SRGAP1: variants seen among roughly 807,000 people sequenced by gnomAD.
SRGAP1 encodes the protein SLIT-ROBO Rho GTPase activating protein 1.
SRGAP1 carries 43 observed loss-of-function variants against 121.9 expected under a neutral mutation model. That is an observed-to-expected ratio of 0.35 (90% CI 0.28 to 0.46). The LOEUF (loss-of-function observed/expected upper bound fraction) is 0.46. SRGAP1 is among the 20% of genes least tolerant of loss of function. SRGAP1 has a pLI of 1.00. For synonymous variants in SRGAP1, 447 were observed against 485.4 expected, an observed-to-expected ratio of 0.92 and a Z score of 1.04; for missense variants, 1,102 against 1,350.9, an observed-to-expected ratio of 0.82 and a Z score of 2.89.
chr12:64,041,359 T>TTTTTTTTA lies in SRGAP1; in HGVS notation c.490-1428_490-1427insTTTTATTT, dbSNP rs1555168797. On this transcript the variant is annotated intron_variant, in intron 4 of 21. Transcript: ENST00000355086. The stretch of plus-strand genomic sequence containing the variant: ...GAGAGAAATCATATATGGCATTTTA[T>TTTTTTTTA]TTTATTTATTTATTTATTTATTTAT... Among the ~76,000 whole-genome samples, 7 of 85,810 alleles carry TTTTTTTTA rather than the reference T, an allele frequency of 8.2e-5. No homozygotes were observed. In the South Asian group the frequency reaches 1.0e-3, roughly 12 times the overall value. 56.3% of individuals were successfully genotyped at this position (85,810 alleles called of 152,430 possible).
intron 18 of SRGAP1, among the ~76,000 whole-genome samples, chr12:64,118,119 T>C (rs924857825): frequency 2.6e-5 from 4 of 152,182 alleles, no homozygotes; most frequent in Non-Finnish European, 5.9e-5. Context: ...AGAAGTAGGA[T>C]TGTTGGATCA....
chr12:64,054,109 G>A (rs116722229), intron 6 of SRGAP1, among the ~76,000 whole-genome samples: 2,138 of 152,234 alleles, frequency 0.014, 57 homozygotes, highest in African/African-American at 0.049. Flanking sequence ...CACCTGCCCA[G>A]TAATAATAAA....
chr12:63,923,802 A>G (rs1167222797), intron 1 of SRGAP1, among the ~76,000 whole-genome samples: 1 of 152,258 alleles, frequency 6.6e-6, no homozygotes, highest in Non-Finnish European at 1.5e-5. Context: ...TGGTAACTTG[A>G]ACATTGACCA....
intron 7 of SRGAP1, among the ~76,000 whole-genome samples, chr12:64,063,736 C>T (rs1022379112): frequency 6.6e-6 from 1 of 151,760 alleles, no homozygotes. Flanking sequence ...CAAAAAAAGC[C>T]AACTTAGGGA....
chr12:64,066,461 A>G (rs1401671842), intron 8 of SRGAP1, among the ~76,000 whole-genome samples: 1 of 152,230 alleles, frequency 6.6e-6, no homozygotes, highest in Non-Finnish European at 1.5e-5. Flanking sequence ...ACAATTCCCA[A>G]AAGAAAGGAC....
intron 10 of SRGAP1, among the ~76,000 whole-genome samples, chr12:64,085,339 T>C (rs1368723184): frequency 1.3e-5 from 2 of 152,212 alleles, no homozygotes; most frequent in African/African-American, 4.8e-5. Context: ...TTGTTACTAA[T>C]ATATATTGCA....
intron 1 of SRGAP1, among the ~76,000 whole-genome samples, chr12:63,960,964 C>T (rs1217029390): frequency 1.3e-5 from 2 of 152,150 alleles, no homozygotes; most frequent in African/African-American, 4.8e-5. Context: ...CACTCCAGAA[C>T]TATAACAGAA....
chr12:63,948,141 A>G (rs1460711530), intron 1 of SRGAP1, among the ~76,000 whole-genome samples: 2 of 152,192 alleles, frequency 1.3e-5, no homozygotes, highest in African/African-American at 4.8e-5. Context: ...CCTAAAATGC[A>G]TAATAAAATG....
At position 64,119,796 on chromosome 12, in the gene SRGAP1, G is replaced by GTTTTTTTTTTTTTT. The variant is rs2036577456; in HGVS notation, c.2224+3907_2224+3908insTTTTTTTTTTTTTT. On this transcript the variant is annotated intron_variant, in intron 18 of 21. Coordinates refer to ENST00000355086, the MANE Select transcript of SRGAP1 (RefSeq NM_020762.4). ...TTTTTTTTTTTTTTTTTTTGGCAGA[G>GTTTTTTTTTTTTTT]TTTTGCTTTTTTTGCCCAGGCTGGA... Among the ~76,000 whole-genome samples, 28 of 108,266 alleles carry GTTTTTTTTTTTTTT rather than the reference G, an allele frequency of 2.6e-4. 1 individual carries two copies. Among genetic ancestry groups the GTTTTTTTTTTTTTT allele is most frequent in the Admixed American group, 5.5e-4 (6 of 10,984 alleles). 71.0% of individuals were successfully genotyped at this position (108,266 alleles called of 152,430 possible). A position where few individuals can be genotyped will look rare whatever the true frequency, so the allele number is the denominator to read the frequency against.
chr12:63,931,462 AT>A (rs1024482333), intron 1 of SRGAP1, among the ~76,000 whole-genome samples: 2 of 152,018 alleles, frequency 1.3e-5, no homozygotes, highest in South Asian at 4.2e-4. Context: ...AGTAAGTTGA[AT>A]TTTTTTTCTC....
chr12:63,954,087 A>G (rs1240375942), intron 1 of SRGAP1, among the ~76,000 whole-genome samples: 2 of 152,222 alleles, frequency 1.3e-5, no homozygotes, highest in East Asian at 3.8e-4. Context: ...TGTTTCTTCT[A>G]TAAAACTTTG....
At chr12:63,861,243 G>T (rs1899436077) in intron 1 of SRGAP1, among the ~76,000 whole-genome samples, 1 of 146,298 alleles carries the variant, frequency 6.8e-6, no homozygotes, top group Non-Finnish European at 1.5e-5. Flanking sequence ...GAACTCCTGA[G>T]CTCAAGCAAT....
At chr12:63,897,522 GA>G (rs888349720) in intron 1 of SRGAP1, among the ~76,000 whole-genome samples, 13 of 152,076 alleles carry the variant, frequency 8.5e-5, no homozygotes, top group East Asian at 1.9e-4. Context: ...GGAAAGAGGT[GA>G]AAAAAATTCC....
intron 4 of SRGAP1, among the ~76,000 whole-genome samples, chr12:64,021,343 T>A (rs879385747): frequency 6.6e-6 from 1 of 152,234 alleles, no homozygotes; most frequent in Non-Finnish European, 1.5e-5. Flanking sequence ...AGAGAGTGAT[T>A]TGTAGCTAAC....
At chr12:64,056,567 A>G (rs2035346828) in intron 6 of SRGAP1, among the ~76,000 whole-genome samples, 1 of 145,238 alleles carries the variant, frequency 6.9e-6, no homozygotes, top group South Asian at 2.1e-4. Context: ...AAAAAAAAAA[A>G]GAGAGAAAGA....
rs1309394025 is a variant in SRGAP1 at position 63,866,669 on chromosome 12, CTATT to C, written c.67+21793_67+21796del. Among the ~76,000 whole-genome samples the C allele has an allele frequency of 4.0e-5, 6 of 150,848 alleles. 1 individual carries two copies. In the South Asian group the frequency reaches 1.3e-3, roughly 32 times the overall value. ...TTTATTTATATTTATAATAGTTAAT[CTATT>C]TATTTACTTATTGAACAAATGGGAT... On this transcript the variant is annotated intron_variant, in intron 1 of 21. Transcript: ENST00000355086.
intron 1 of SRGAP1, among the ~76,000 whole-genome samples, chr12:63,968,150 C>T (rs2032839832): frequency 6.6e-6 from 1 of 152,136 alleles, no homozygotes; most frequent in Non-Finnish European, 1.5e-5. Context: ...TCATGAGGTC[C>T]TATACACTAT....
chr12:64,092,813 G>A (rs753828752), intron 12 of SRGAP1, among the ~76,000 whole-genome samples: 2 of 152,150 alleles, frequency 1.3e-5, no homozygotes, highest in Non-Finnish European at 2.9e-5. Context: ...AGAAGCAGAC[G>A]TAGGATTCTG....
chr12:63,881,590 C>T (rs1414557644), intron 1 of SRGAP1, among the ~76,000 whole-genome samples: 2 of 152,090 alleles, frequency 1.3e-5, no homozygotes, highest in African/African-American at 2.4e-5. Context: ...GTACTGAGGC[C>T]TAAGGTATTG....
Sources: gnomAD v4.1 joint callset for allele counts (sites outside exome capture counted in the v4.1 genomes callset) on GRCh38, gnomAD v4.1.1 for gene constraint, MANE v1.5 for transcripts, NCBI Gene and HGNC (gene_info 2026-07-23, HGNC 2026-07-21) for gene names.